Variants in DNAAF9 observed in about 807,000 individuals in gnomAD.
DNAAF9 encodes shulin.
In DNAAF9, 90 loss-of-function variants were observed where a neutral mutation model predicts 167.0. That is an observed-to-expected ratio of 0.54 (90% CI 0.45 to 0.64). The LOEUF (loss-of-function observed/expected upper bound fraction) is 0.64. DNAAF9 is among the 30% of genes least tolerant of loss of function. The pLI is 0.00. For synonymous variants in DNAAF9, 491 were observed against 508.8 expected (o/e 0.96, Z 0.47); for missense variants, 1,315 against 1,442.2 (o/e 0.91, Z 1.43).
intron 5 of DNAAF9, 96 bp from the exon 6 acceptor site, chr20:3,374,250 C>A (rs1051223561): frequency 6.9e-6 from 5 of 720,282 alleles, no homozygotes; most frequent in Non-Finnish European, 1.2e-5. Flanking sequence ...TCATTTCTCA[C>A]GTGGTCACCA....
chr20:3,301,810 C>T lies in DNAAF9; in HGVS notation c.1782+2630G>A, dbSNP rs113870886. ...TCCTCTGAACATCCCTGAACTGGGA[C>T]TCAGTGTTTTCATGTTAATAAAGAT... On this transcript the variant is annotated intron_variant, in intron 21 of 36. Transcript: ENST00000252032. Among the ~76,000 whole-genome samples, 240 of 152,148 alleles carry T rather than the reference C, an allele frequency of 1.6e-3. 2 individuals carry two copies. Among genetic ancestry groups the T allele is most frequent in the African/African-American group, 5.5e-3 (229 of 41,508 alleles).
intron 3 of DNAAF9, 141 bp from the exon 4 acceptor site, chr20:3,376,443 G>T (rs1055276873): frequency 7.0e-6 from 5 of 716,626 alleles, no homozygotes; most frequent in Non-Finnish European, 8.7e-6. Context: ...ATTTAATTAA[G>T]CACTGTGCCT....
At chr20:3,299,857 G>A (rs1435978888) in intron 21 of DNAAF9, among the ~76,000 whole-genome samples, 1 of 152,116 alleles carries the variant, frequency 6.6e-6, no homozygotes, top group African/African-American at 2.4e-5. Flanking sequence ...TAAACAATAA[G>A]GGTCCCTTGA....
chr20:3,253,668 C>T, intron 36 of DNAAF9, 58 bp downstream of exon 36: 1 of 1,039,650 alleles, frequency 9.6e-7, no homozygotes, highest in South Asian at 1.3e-5. Context: ...GACAGGGTCA[C>T]ACACTCCCAG....
chr20:3,283,070 T>C (rs1055717091), intron 27 of DNAAF9, among the ~76,000 whole-genome samples: 1 of 152,244 alleles, frequency 6.6e-6, no homozygotes, highest in East Asian at 1.9e-4. Flanking sequence ...ATAAACTGGA[T>C]GTTCAACCCT....
At chr20:3,262,251 T>C (rs1438902270) in intron 31 of DNAAF9, among the ~76,000 whole-genome samples, 1 of 149,458 alleles carries the variant, frequency 6.7e-6, no homozygotes, top group Non-Finnish European at 1.5e-5. Flanking sequence ...TCACATTCTT[T>C]TTTTTTTTTT....
At chr20:3,395,251 G>C (rs1302468944) in intron 1 of DNAAF9, among the ~76,000 whole-genome samples, 1 of 138,700 alleles carries the variant, frequency 7.2e-6, no homozygotes, top group African/African-American at 2.9e-5. Context: ...GATTACAGGC[G>C]TGAGCCACCG....
intron 6 of DNAAF9, among the ~76,000 whole-genome samples, chr20:3,371,922 G>A (rs549847890): frequency 2.6e-5 from 4 of 152,136 alleles, no homozygotes; most frequent in Non-Finnish European, 2.9e-5. Context: ...GGCAGAAAAC[G>A]CCCTAGCAGA....
At chr20:3,341,801 G>A (rs1270102186) in intron 9 of DNAAF9, among the ~76,000 whole-genome samples, 4 of 151,842 alleles carry the variant, frequency 2.6e-5, no homozygotes, top group Admixed American at 1.3e-4. Context: ...TTTTTGAGAC[G>A]GAGTCTTGCT....
intron 8 of DNAAF9, among the ~76,000 whole-genome samples, chr20:3,345,158 A>T (rs1488463704): frequency 6.6e-6 from 1 of 152,142 alleles, no homozygotes; most frequent in Admixed American, 6.6e-5. Context: ...AGCTGGGATT[A>T]CAGGTGTGCA....
chr20:3,371,497 C>G (rs1266649478), intron 6 of DNAAF9, among the ~76,000 whole-genome samples: 5 of 151,816 alleles, frequency 3.3e-5, no homozygotes, highest in Non-Finnish European at 2.9e-5. Flanking sequence ...GCGCCTGCCA[C>G]CACGCCCGGC....
At chr20:3,273,716 T>A (rs1445415097) in intron 29 of DNAAF9, among the ~76,000 whole-genome samples, 1 of 152,234 alleles carries the variant, frequency 6.6e-6, no homozygotes, top group East Asian at 1.9e-4. Flanking sequence ...CTGGGGATTA[T>A]GTTTCAACAT....
chr20:3,265,293 G>A lies in DNAAF9; in HGVS notation c.2787-769C>T, dbSNP rs968793500. Among the ~76,000 whole-genome samples, 8 of 152,096 alleles carry A rather than the reference G, an allele frequency of 5.3e-5. No individual in the cohort carries two copies. In the South Asian group the frequency reaches 6.2e-4, roughly 12 times the overall value. On this transcript the variant is annotated intron_variant, in intron 30 of 36. Transcript: ENST00000252032. The stretch of plus-strand genomic sequence containing the variant: ...AAGAATCATTCATTAGGCCGGGCGC[G>A]ATGGCTCATGTCTGTAATCCCAGCA...
intron 30 of DNAAF9, 87 bp from the exon 31 acceptor site, chr20:3,264,611 C>T: frequency 1.3e-6 from 1 of 758,462 alleles, no homozygotes; most frequent in Non-Finnish European, 2.3e-6. Flanking sequence ...CGCTCTGTCG[C>T]CAGGCTGGAG....
chr20:3,329,745 G>A (rs1385463694), intron 12 of DNAAF9, among the ~76,000 whole-genome samples: 1 of 152,104 alleles, frequency 6.6e-6, no homozygotes, highest in East Asian at 1.9e-4. Flanking sequence ...TTAAGCTGCA[G>A]TATTTAATTA....
At chr20:3,300,910 T>C (rs1407614993) in intron 21 of DNAAF9, among the ~76,000 whole-genome samples, 1 of 150,828 alleles carries the variant, frequency 6.6e-6, no homozygotes, top group Non-Finnish European at 1.5e-5. Flanking sequence ...GCAACTCATT[T>C]TGAAAAAAAA....
At chr20:3,385,994 TA>T (rs2083730153) in intron 1 of DNAAF9, among the ~76,000 whole-genome samples, 1 of 152,208 alleles carries the variant, frequency 6.6e-6, no homozygotes, top group South Asian at 2.1e-4. Context: ...GAGATTATTC[TA>T]AAATTTACAT....
At chr20:3,324,413 G>T (rs1222303108) in intron 14 of DNAAF9, among the ~76,000 whole-genome samples, 1 of 152,154 alleles carries the variant, frequency 6.6e-6, no homozygotes, top group Non-Finnish European at 1.5e-5. Context: ...ACCGTGACAT[G>T]CTGGGAGATG....
At chr20:3,336,882 CTTTTTTT>C (rs34461289) in intron 10 of DNAAF9, among the ~76,000 whole-genome samples, 7 of 133,930 alleles carry the variant, frequency 5.2e-5, no homozygotes, top group Non-Finnish European at 9.6e-5. Context: ...TTTCCTTTTT[CTTTTTTT>C]TTTTTTTTTG....
Sources: gnomAD v4.1 joint callset for allele counts (sites outside exome capture counted in the v4.1 genomes callset) on GRCh38, gnomAD v4.1.1 for gene constraint, MANE v1.5 for transcripts, NCBI Gene and HGNC (gene_info 2026-07-23, HGNC 2026-07-21) for gene names.